The following NR3C2 variants were observed in gnomAD, a reference collection of about 807,000 sequenced individuals.
The protein encoded by NR3C2 is nuclear receptor subfamily 3 group C member 2.
Under a neutral mutation model 86.4 loss-of-function variants are expected in NR3C2, and 15 were observed. The ratio of observed to expected loss-of-function variants is 0.17; its 90% CI spans 0.12 to 0.27. NR3C2 has a LOEUF of 0.27. Ranked by LOEUF, NR3C2 falls within the 10% of genes least tolerant of loss-of-function variation. NR3C2 has a pLI of 1.00. For synonymous variants in NR3C2, 458 were observed against 450.5 expected, an observed-to-expected ratio of 1.02 and a Z score of -0.21; for missense variants, 960 against 1,195.6, an observed-to-expected ratio of 0.80 and a Z score of 2.91.
chr4:148,177,890 TATAGAG>T (rs1375356876), intron 4 of NR3C2, among the ~76,000 whole-genome samples: 4 of 152,216 alleles, frequency 2.6e-5, no homozygotes, highest in East Asian at 1.9e-4. Flanking sequence ...ACAATTTAGT[TATAGAG>T]ATAATGTTCT....
chr4:148,249,391 A>G (rs1408902422), intron 3 of NR3C2, among the ~76,000 whole-genome samples: 1 of 152,190 alleles, frequency 6.6e-6, no homozygotes, highest in Non-Finnish European at 1.5e-5. Flanking sequence ...TACTGTACAT[A>G]AGTATGAATT....
At chr4:148,324,520 C>T (rs1743851548) in intron 2 of NR3C2, among the ~76,000 whole-genome samples, 1 of 152,120 alleles carries the variant, frequency 6.6e-6, no homozygotes, top group Admixed American at 6.5e-5. Context: ...GTTGGCAAGA[C>T]TGCAGGGAGA....
intron 8 of NR3C2, among the ~76,000 whole-genome samples, chr4:148,091,368 C>A (rs1731052913): frequency 6.6e-6 from 1 of 152,240 alleles, no homozygotes; most frequent in Admixed American, 6.5e-5. Flanking sequence ...GCCTTCAGGG[C>A]AGAACCCACA....
chr4:148,087,098 A>G (rs781110307), intron 8 of NR3C2, among the ~76,000 whole-genome samples: 2 of 152,238 alleles, frequency 1.3e-5, no homozygotes, highest in South Asian at 2.1e-4. Context: ...TCAGTGTGCA[A>G]AAGTTACAAG....
At chr4:148,286,974 T>G (rs72655274) in intron 2 of NR3C2, among the ~76,000 whole-genome samples, 121 of 152,334 alleles carry the variant, frequency 7.9e-4, no homozygotes, top group African/African-American at 2.8e-3. Context: ...ATTTCCTGTT[T>G]GCTAGTGGCA....
At chr4:148,288,721 C>T (rs886609363) in intron 2 of NR3C2, among the ~76,000 whole-genome samples, 10 of 152,220 alleles carry the variant, frequency 6.6e-5, no homozygotes, top group Admixed American at 1.3e-4. Context: ...TCAAGTTGTG[C>T]CAAACGCTGG....
intron 2 of NR3C2, among the ~76,000 whole-genome samples, chr4:148,417,110 T>A (rs1749051339): frequency 6.6e-6 from 1 of 152,148 alleles, no homozygotes; most frequent in Non-Finnish European, 1.5e-5. Context: ...CCTGTTCATG[T>A]CTTTTCCTTG....
intron 6 of NR3C2, among the ~76,000 whole-genome samples, chr4:148,148,399 T>C (rs1733964522): frequency 2.0e-5 from 3 of 152,214 alleles, no homozygotes. Context: ...CCATTTTCCA[T>C]TCTGCATTTG....
At chr4:148,293,784 C>A (rs982682954) in intron 2 of NR3C2, among the ~76,000 whole-genome samples, 1 of 152,128 alleles carries the variant, frequency 6.6e-6, no homozygotes, top group Non-Finnish European at 1.5e-5. Flanking sequence ...TGGTAAGCAA[C>A]ATGTTTGGTA....
intron 2 of NR3C2, among the ~76,000 whole-genome samples, chr4:148,320,763 T>C (rs57312855): frequency 6.6e-6 from 1 of 151,842 alleles, no homozygotes; most frequent in Non-Finnish European, 1.5e-5. Flanking sequence ...TTGATTCTTC[T>C]CTCTTTTTTT....
chr4:148,370,752 A>G (rs1361514085), intron 2 of NR3C2, among the ~76,000 whole-genome samples: 1 of 152,198 alleles, frequency 6.6e-6, no homozygotes, highest in Non-Finnish European at 1.5e-5. Context: ...CCATTTTACC[A>G]GTAAGTATTT....
intron 2 of NR3C2, among the ~76,000 whole-genome samples, chr4:148,344,771 A>G (rs1361424230): frequency 6.6e-6 from 1 of 152,182 alleles, no homozygotes; most frequent in Non-Finnish European, 1.5e-5. Context: ...AAAAAACGGG[A>G]ATGACACACA....
At chr4:148,377,124 CAAAA>C (rs993731090) in intron 2 of NR3C2, among the ~76,000 whole-genome samples, 9 of 151,606 alleles carry the variant, frequency 5.9e-5, no homozygotes, top group African/African-American at 1.7e-4. Context: ...GGAAGGAAGA[CAAAA>C]GAAAGGTAAA....
intron 2 of NR3C2, among the ~76,000 whole-genome samples, chr4:148,303,999 C>G (rs1742474853): frequency 6.6e-6 from 1 of 152,186 alleles, no homozygotes; most frequent in South Asian, 2.1e-4. Flanking sequence ...AGGAATGTCT[C>G]ACTTTCTCTC....
At position 148,435,953 on chromosome 4, in the gene NR3C2, A is replaced by C. The variant is rs753072040; in HGVS notation, c.908T>G (p.Ile303Ser). Residue 303 changes from isoleucine to serine, a missense_variant, in exon 2 of 9, where the codon ATT becomes AGT. This residue lies in a region of NR3C2 where 680 missense variants were observed against 719.0 expected (regional missense o/e 0.95). Coordinates refer to ENST00000358102, the MANE Select transcript of NR3C2 (RefSeq NM_000901.5). ...LRSSVSSPAN[I>S]NNSRCSVSSP... ...GGAAACAGAGCACCTTGAGTTGTTA[A>C]TATTTGCAGGGCTAGACACAGAGGA... The C allele has an allele frequency of 6.2e-7, 1 of 1,614,170 alleles. No homozygotes were observed. The highest frequency in any genetic ancestry group is 1.1e-5 in the South Asian group (1 of 91,084).
intron 3 of NR3C2, among the ~76,000 whole-genome samples, chr4:148,218,131 T>A (rs909625123): frequency 6.6e-6 from 1 of 152,204 alleles, no homozygotes; most frequent in African/African-American, 2.4e-5. Flanking sequence ...GAGTCCAGTG[T>A]CTGCAGTGTG....
chr4:148,130,805 T>C (rs1387063370), intron 6 of NR3C2, among the ~76,000 whole-genome samples: 4 of 58,508 alleles, frequency 6.8e-5, no homozygotes, highest in Non-Finnish European at 1.3e-4. Flanking sequence ...TTTTGTTTTG[T>C]TTTGTTTTGT....
intron 6 of NR3C2, among the ~76,000 whole-genome samples, chr4:148,128,029 A>G (rs1027829057): frequency 6.6e-6 from 1 of 152,218 alleles, no homozygotes; most frequent in African/African-American, 2.4e-5. Context: ...TTTGGAGAGA[A>G]TTTGGGGTTA....
At chr4:148,388,274 G>A (rs1747367894) in intron 2 of NR3C2, among the ~76,000 whole-genome samples, 1 of 152,040 alleles carries the variant, frequency 6.6e-6, no homozygotes, top group African/African-American at 2.4e-5. Context: ...GAAATGTTTT[G>A]GATTTTACAC....
Sources: gnomAD v4.1 joint callset for allele counts (sites outside exome capture counted in the v4.1 genomes callset) on GRCh38, gnomAD v4.1.1 for gene constraint, gnomAD v4.1.1 regional missense constraint, MANE v1.5 for transcripts, NCBI Gene and HGNC (gene_info 2026-07-23, HGNC 2026-07-21) for gene names.